FOXK1: variants seen among roughly 807,000 people sequenced by gnomAD.
FOXK1 encodes forkhead box K1, also known as forkhead box protein K1.
Under a neutral mutation model 51.9 loss-of-function variants are expected in FOXK1, and 19 were observed. That is an observed-to-expected ratio of 0.37 (90% CI 0.26 to 0.54). The LOEUF (loss-of-function observed/expected upper bound fraction) is 0.54, where lower values mean the gene tolerates loss of function less well. Ranked by LOEUF, FOXK1 falls within the 20% of genes least tolerant of loss-of-function variation. FOXK1 has a pLI of 0.87. For synonymous variants in FOXK1, 537 were observed against 482.6 expected, an observed-to-expected ratio of 1.11 and a Z score of -1.48; for missense variants, 870 against 1,032.7, an observed-to-expected ratio of 0.84 and a Z score of 2.16.
At chr7:4,692,858 C>T (rs930222021) in intron 1 of FOXK1, among the ~76,000 whole-genome samples, 15 of 152,330 alleles carry the variant, frequency 9.8e-5, no homozygotes, top group African/African-American at 3.6e-4. Flanking sequence ...TCCCAAGTAG[C>T]TGGGACCACA....
At chr7:4,706,803 C>T (rs1244630919) in intron 1 of FOXK1, among the ~76,000 whole-genome samples, 1 of 152,182 alleles carries the variant, frequency 6.6e-6, no homozygotes, top group Non-Finnish European at 1.5e-5. Flanking sequence ...TCATCGCTGA[C>T]CCCGGAGTTG....
chr7:4,687,122 C>T (rs991493554), intron 1 of FOXK1, among the ~76,000 whole-genome samples: 7 of 151,746 alleles, frequency 4.6e-5, no homozygotes, highest in African/African-American at 1.2e-4. Context: ...TTAGTAGAGA[C>T]GGGGTTTCAC....
In FOXK1 at chr7:4,691,726, A is replaced by G. The variant is rs370380528; in HGVS notation, c.560+8858A>G. 2.0e-4 allele frequency among the ~76,000 whole-genome samples: 30 copies of G among 152,286 alleles called. No individual in the cohort carries two copies. The East Asian group carries it at 4.4e-3, about 23-fold the overall frequency. ...CTGGGAAAGGGGTGAACTGTCTTCC[A>G]TCTGTTTCCTCAGAGGACGCTGAGC... On this transcript the variant is annotated intron_variant, in intron 1 of 8. Coordinates refer to ENST00000328914, the MANE Select transcript of FOXK1 (RefSeq NM_001037165.2).
In FOXK1 at chr7:4,713,836, T is replaced by G. The variant is rs1298352443; in HGVS notation, c.561-27002T>G. 3.3e-5 allele frequency among the ~76,000 whole-genome samples: 5 copies of G among 151,902 alleles called. 1 individual carries two copies. Among genetic ancestry groups the G allele is most frequent in the Non-Finnish European group, 7.4e-5 (5 of 67,994 alleles). On this transcript the variant is annotated intron_variant, in intron 1 of 8. Transcript: ENST00000328914. Reference sequence around the variant, plus strand: ...TTCTTTTTTTCTTTTTTTCTTTTCTTTTTTTGGAGACAGAGTTTTGCTCTT... The same window carrying G: ...TTCTTTTTTTCTTTTTTTCTTTTCTGTTTTTGGAGACAGAGTTTTGCTCTT...
In FOXK1 at chr7:4,755,798, C is replaced by T. The variant is rs908431202; in HGVS notation, c.1050+415C>T. Reference sequence around the variant, plus strand: ...AAAAGAGGGATGTTTTCACGAATGGCATATGGTACATCTGAAAGGCATTAG... The same window carrying T: ...AAAAGAGGGATGTTTTCACGAATGGTATATGGTACATCTGAAAGGCATTAG... On this transcript the variant is annotated intron_variant, in intron 4 of 8. Transcript: ENST00000328914. The surrounding 1 kb of genome is among the most constrained non-coding windows in gnomAD (Gnocchi z 6.6). Among the ~76,000 whole-genome samples the T allele has an allele frequency of 6.6e-6, 1 of 152,186 alleles. No individual in the cohort carries two copies. Among genetic ancestry groups the T allele is most frequent in the Non-Finnish European group, 1.5e-5 (1 of 68,028 alleles).
intron 1 of FOXK1, among the ~76,000 whole-genome samples, chr7:4,706,056 ATATATATGTG>A (rs1562373271): frequency 2.5e-5 from 3 of 121,106 alleles, no homozygotes; most frequent in African/African-American, 1.4e-4. Flanking sequence ...GTATATATGT[ATATATATGTG>A]TATATATGTA....
intron 1 of FOXK1, among the ~76,000 whole-genome samples, chr7:4,705,626 TC>T (rs1780079111): frequency 6.7e-6 from 1 of 149,190 alleles, no homozygotes; most frequent in Non-Finnish European, 1.5e-5. Flanking sequence ...AACCTCTGCT[TC>T]CCGCATTGAA....
intron 1 of FOXK1, among the ~76,000 whole-genome samples, chr7:4,714,555 G>A (rs1780211519): frequency 2.6e-5 from 4 of 152,230 alleles, no homozygotes; most frequent in Admixed American, 6.5e-5. Flanking sequence ...GATTACGGGC[G>A]TGAGCCACCA....
chr7:4,733,179 C>CT lies in FOXK1; in HGVS notation c.561-7648dup, dbSNP rs112591823. On this transcript the variant is annotated intron_variant, in intron 1 of 8. Transcript: ENST00000328914. This position sits in a 1 kb window ranked among gnomAD's most constrained non-coding sequence, Gnocchi z 5.0. ...GTTTGTTTCTTTTATACGTGACGGT[C>CT]TTTTTTTTTTTAATTTTATTATTTT... 0.018 allele frequency among the ~76,000 whole-genome samples: 2,649 copies of CT among 147,390 alleles called. 65 individuals are homozygous for CT. The highest frequency in any genetic ancestry group is 0.061 in the African/African-American group (2,448 of 40,416).
rs575183974 is a variant in FOXK1, at chr7:4,769,744, G to C, written c.*7280G>C. The C allele has an allele frequency of 6.6e-6, 1 of 152,300 alleles. No homozygotes were observed. The highest frequency in any genetic ancestry group is 6.5e-5 in the Admixed American group (1 of 15,274). The allele number at this position is 152,300 out of a possible 1,614,324, so 9.4% of individuals were successfully genotyped here. A position where few individuals can be genotyped will look rare whatever the true frequency, so the allele number is the denominator to read the frequency against. ...GCATGAGCCACCGCGCCTGGCCTCT[G>C]TCACTTTTTTTGCTCCTTACCCAGT... On this transcript the variant is annotated 3_prime_UTR_variant, in exon 9 of 9. Transcript: ENST00000328914. This position sits in a 1 kb window ranked among gnomAD's most constrained non-coding sequence, Gnocchi z 4.1.
Position 4,761,236 on chromosome 7 carries a change from C to A in FOXK1, c.1869C>A (p.Thr623=). 1 of 1,613,178 alleles carries A rather than the reference C, an allele frequency of 6.2e-7. No individual in the cohort carries two copies. The highest frequency in any genetic ancestry group is 8.5e-7 in the Non-Finnish European group (1 of 1,180,028). ...GQHHLPVRAV[T]QNGKHAVPTN... The stretch of plus-strand genomic sequence containing the variant: ...ACCACCTTCCAGTCCGGGCCGTGAC[C>A]CAGAACGGAAAGCATGCGGTTCCCA... The change falls in exon 8 of 9, where the codon ACC becomes ACA. Residue 623 remains threonine (T), a synonymous_variant. Transcript: ENST00000328914. This position sits in a 1 kb window ranked among gnomAD's most constrained non-coding sequence, Gnocchi z 6.2.
intron 2 of FOXK1, among the ~76,000 whole-genome samples, chr7:4,752,190 G>A (rs1335228485): frequency 2.0e-5 from 3 of 152,172 alleles, no homozygotes; most frequent in African/African-American, 7.2e-5. Flanking sequence ...GTCTTGCTCC[G>A]CCAGAGTGCA....
chr7:4,748,744 TCA>T lies in FOXK1; in HGVS notation c.747-5713_747-5712del, dbSNP rs139395343. Reference sequence around the variant, plus strand: ...ATTCACTGATTTAAGAGACAAGGTCTCACTTTGTTGCCCAGGCTGGTACTTCT... The same window carrying T: ...ATTCACTGATTTAAGAGACAAGGTCTCTTTGTTGCCCAGGCTGGTACTTCT... On this transcript the variant is annotated intron_variant, in intron 2 of 8. Coordinates refer to ENST00000328914, the MANE Select transcript of FOXK1 (RefSeq NM_001037165.2). The surrounding 1 kb of genome is among the most constrained non-coding windows in gnomAD (Gnocchi z 4.9). Among the ~76,000 whole-genome samples, 2,560 of 152,350 alleles carry T rather than the reference TCA, an allele frequency of 0.017. 31 individuals carry two copies. The highest frequency in any genetic ancestry group is 0.044 in the Middle Eastern group (13 of 294).
In FOXK1 at chr7:4,683,036, C is replaced by T. The variant is rs956034561; in HGVS notation, c.560+168C>T. 2.0e-5 allele frequency among the ~76,000 whole-genome samples: 3 copies of T among 150,848 alleles called. No homozygotes were observed. The highest frequency in any genetic ancestry group is 4.9e-5 in the African/African-American group (2 of 41,004). On this transcript the variant is annotated intron_variant, in intron 1 of 8. Coordinates refer to ENST00000328914, the MANE Select transcript of FOXK1 (RefSeq NM_001037165.2). The surrounding 1 kb of genome is among the most constrained non-coding windows in gnomAD (Gnocchi z 4.5). The stretch of plus-strand genomic sequence containing the variant: ...GCCTGGACTCCGGGGTCAACCCCGA[C>T]CCCCGCCTCCTGGCTCCCTAGGATC...
In FOXK1 at chr7:4,749,534, C is replaced by T; in HGVS notation, c.747-4925C>T. Among the ~76,000 whole-genome samples the T allele has an allele frequency of 6.6e-6, 1 of 152,306 alleles. No homozygotes were observed. The highest frequency in any genetic ancestry group is 1.9e-4 in the East Asian group (1 of 5,172). ...CGCAGACCCCCGCAGCCTTCTCGCCCCTCCACTGCCCACAAGGCTCCGTCG... is the reference window on the plus strand; with the variant it reads ...CGCAGACCCCCGCAGCCTTCTCGCCTCTCCACTGCCCACAAGGCTCCGTCG... On this transcript the variant is annotated intron_variant, in intron 2 of 8. Transcript: ENST00000328914. The surrounding 1 kb of genome is among the most constrained non-coding windows in gnomAD (Gnocchi z 6.0).
chr7:4,732,327 T>G (rs1349864563), intron 1 of FOXK1, among the ~76,000 whole-genome samples: 1 of 152,292 alleles, frequency 6.6e-6, no homozygotes, highest in East Asian at 1.9e-4. Flanking sequence ...CCGACAGTTC[T>G]CCATTCATTC....
chr7:4,748,294 A>G lies in FOXK1; in HGVS notation c.747-6165A>G, dbSNP rs1240703745. Among the ~76,000 whole-genome samples, 6 of 152,096 alleles carry G rather than the reference A, an allele frequency of 3.9e-5. No homozygotes were observed. ...GTCTCTTGGTTTTTCCGTTTTAGAT[A>G]TTACACATGAGGTTCCTATATGGAA... On this transcript the variant is annotated intron_variant, in intron 2 of 8. Coordinates refer to ENST00000328914, the MANE Select transcript of FOXK1 (RefSeq NM_001037165.2). The surrounding 1 kb of genome is among the most constrained non-coding windows in gnomAD (Gnocchi z 4.9).
At chr7:4,702,339 T>C (rs1033095696) in intron 1 of FOXK1, among the ~76,000 whole-genome samples, 5 of 151,968 alleles carry the variant, frequency 3.3e-5, no homozygotes, top group African/African-American at 1.2e-4. Flanking sequence ...TTGTGGGGTT[T>C]TTTTATTTAT....
In FOXK1 at chr7:4,730,336, A is replaced by C. The variant is rs1471496435; in HGVS notation, c.561-10502A>C. Among the ~76,000 whole-genome samples the C allele has an allele frequency of 6.6e-6, 1 of 152,176 alleles. No individual in the cohort carries two copies. The highest frequency in any genetic ancestry group is 1.5e-5 in the Non-Finnish European group (1 of 68,026). On this transcript the variant is annotated intron_variant, in intron 1 of 8. Coordinates refer to ENST00000328914, the MANE Select transcript of FOXK1 (RefSeq NM_001037165.2). The surrounding 1 kb of genome is among the most constrained non-coding windows in gnomAD (Gnocchi z 4.7). Reference sequence around the variant, plus strand: ...CAGGGTGAGTGATGGGCAGGCACAGAGCTGTGTCTCTGACCACCCTGCTAC... The same window carrying C: ...CAGGGTGAGTGATGGGCAGGCACAGCGCTGTGTCTCTGACCACCCTGCTAC...
Sources: allele counts gnomAD v4.1 joint callset (sites outside exome capture counted in the v4.1 genomes callset), GRCh38; gene constraint gnomAD v4.1.1; non-coding constraint Gnocchi (gnomAD v3.1); transcripts MANE v1.5; gene names NCBI Gene and HGNC (gene_info 2026-07-23, HGNC 2026-07-21).